PTPN23: variants seen among roughly 807,000 people sequenced by gnomAD.
The protein encoded by PTPN23 is protein tyrosine phosphatase non-receptor type 23.
A neutral mutation model predicts 156.3 loss-of-function variants in PTPN23; 72 were observed. The observed-to-expected ratio is 0.46, with a 90% CI of 0.38 to 0.56. PTPN23 has a LOEUF of 0.56. Among genes scored for constraint, PTPN23 ranks in the 20% least tolerant of loss-of-function variants. The pLI is 0.00. For missense variants in PTPN23, 1,974 were observed against 2,171.5 expected (o/e 0.91, Z 1.81); for synonymous variants, 957 against 899.6 (o/e 1.06, Z -1.14).
chr3:47,413,086 C>T lies in PTPN23; in HGVS notation c.4812C>T (p.Asn1604=), dbSNP rs1705369230. 1 of 1,612,936 alleles carries T rather than the reference C, an allele frequency of 6.2e-7. No individual in the cohort carries two copies. The highest frequency in any genetic ancestry group is 8.5e-7 in the Non-Finnish European group (1 of 1,180,030). The part of the protein sequence containing the change: ...LRGKQRMSKH[N]FLQAHNGQGL... Reference sequence around the variant, plus strand: ...GCAAACAGCGGATGAGCAAGCATAACTTTCTGCAGGCCCATAACGGGCAAG... The same window carrying T: ...GCAAACAGCGGATGAGCAAGCATAATTTTCTGCAGGCCCATAACGGGCAAG... Residue 1604 remains asparagine, a synonymous_variant, in exon 25 of 25, where the codon AAC becomes AAT. Transcript: ENST00000265562.
intron 1 of PTPN23, among the ~76,000 whole-genome samples, chr3:47,392,463 A>G (rs1704795340): frequency 6.6e-6 from 1 of 152,144 alleles, no homozygotes; most frequent in African/African-American, 2.4e-5. Context: ...CTGGGATTAT[A>G]GTCATGAGCC....
chr3:47,389,682 TACAA>T (rs772300994), intron 1 of PTPN23, among the ~76,000 whole-genome samples: 170 of 151,934 alleles, frequency 1.1e-3, no homozygotes, highest in Non-Finnish European at 2.2e-3. Context: ...CCACTAAAAA[TACAA>T]ACAATTAGCC....
chr3:47,406,257 A>C lies in PTPN23; in HGVS notation c.547-68A>C. Reference sequence around the variant, plus strand: ...GGATCCCTCAGTCTGCCCCTGGGGAAGGATAAAGGGAAGGGGAAGCGGGAG... The same window carrying C: ...GGATCCCTCAGTCTGCCCCTGGGGACGGATAAAGGGAAGGGGAAGCGGGAG... On this transcript the variant is annotated intron_variant, in intron 6 of 24. Transcript: ENST00000265562. This position sits in a 1 kb window ranked among gnomAD's most constrained non-coding sequence, Gnocchi z 5.8. 1 of 1,568,516 alleles carries C rather than the reference A, an allele frequency of 6.4e-7. No individual in the cohort carries two copies. The highest frequency in any genetic ancestry group is 8.7e-7 in the Non-Finnish European group (1 of 1,145,534).
At position 47,381,054 on chromosome 3, in the gene PTPN23, G is replaced by T; in HGVS notation, c.-43G>T. On this transcript the variant is annotated 5_prime_UTR_variant, in exon 1 of 25. Transcript: ENST00000265562. ...GCTCGTGGCTGAGCCAGCAGCTGCA[G>T]CAGCTACGGGAGTGGCCGGGTGGCC... 6.4e-7 allele frequency: 1 copy of T among 1,552,054 alleles called. No individual in the cohort carries two copies.
intron 1 of PTPN23, among the ~76,000 whole-genome samples, chr3:47,385,273 C>G (rs1413753825): frequency 1.3e-5 from 2 of 152,186 alleles, no homozygotes; most frequent in Non-Finnish European, 2.9e-5. Flanking sequence ...TACTTGAGCT[C>G]AAGTCCAGCT....
chr3:47,402,373 G>A (rs542447472), intron 2 of PTPN23, among the ~76,000 whole-genome samples: 101 of 151,892 alleles, frequency 6.6e-4, no homozygotes, highest in African/African-American at 2.3e-3. Flanking sequence ...TCTGCTCCCC[G>A]GATTCAAGTG....
chr3:47,397,899 G>T (rs1215269887), intron 2 of PTPN23, among the ~76,000 whole-genome samples: 3 of 152,066 alleles, frequency 2.0e-5, no homozygotes, highest in Non-Finnish European at 2.9e-5. Context: ...TCGACCTCCT[G>T]ACCTCAGGTA....
chr3:47,388,835 T>G (rs1041359439), intron 1 of PTPN23, among the ~76,000 whole-genome samples: 1 of 152,094 alleles, frequency 6.6e-6, no homozygotes, highest in African/African-American at 2.4e-5. Flanking sequence ...CAGCTAATTT[T>G]TGTCTTTTTA....
intron 3 of PTPN23, 31 bp from the exon 4 acceptor site, chr3:47,404,974 C>T: frequency 6.2e-7 from 1 of 1,613,558 alleles, no homozygotes; most frequent in Middle Eastern, 1.7e-4. Context: ...TAGCTCCTGC[C>T]CTCGAGATAA....
In PTPN23 at chr3:47,411,164, C is replaced by T. The variant is rs1188800839; in HGVS notation, c.3366C>T (p.Ser1122=). 8 of 1,602,016 alleles carry T rather than the reference C, an allele frequency of 5.0e-6. No homozygotes were observed. Among genetic ancestry groups the T allele is most frequent in the Non-Finnish European group, 5.1e-6 (6 of 1,176,246 alleles). Reference sequence around the variant, plus strand: ...CCGCAGCTGCAGACCTGCTCTCCTCCAGCCCGGAGAGCCAGCATGGCGGCA... The same window carrying T: ...CCGCAGCTGCAGACCTGCTCTCCTCTAGCCCGGAGAGCCAGCATGGCGGCA... ...RGAAAADLLS[S]SPESQHGGTQ... is the part of the protein sequence containing the mutation. The change falls in exon 20 of 25, where the codon TCC becomes TCT. Residue 1122 remains serine, a synonymous_variant. Coordinates refer to ENST00000265562, the MANE Select transcript of PTPN23 (RefSeq NM_015466.4). The surrounding 1 kb of genome is among the most constrained non-coding windows in gnomAD (Gnocchi z 6.3).
Position 47,412,783 on chromosome 3 carries a change from C to T in PTPN23, c.4509C>T (p.Ala1503=), listed in dbSNP as rs1705353384. 6.2e-7 allele frequency: 1 copy of T among 1,613,120 alleles called. No homozygotes were observed. The highest frequency in any genetic ancestry group is 8.5e-7 in the Non-Finnish European group (1 of 1,179,670). ...TCAGCTCCATCCAGGCCACCATTGC[C>T]AAGCTCAGCATTCGGCCTCCTGGGG... The part of the protein sequence containing the change: ...VPISSIQATI[A]KLSIRPPGGL... Residue 1503 remains alanine, a synonymous_variant, in exon 25 of 25, where the codon GCC becomes GCT. Coordinates refer to ENST00000265562, the MANE Select transcript of PTPN23 (RefSeq NM_015466.4).
Position 47,407,014 on chromosome 3 carries a change from C to T in PTPN23, c.808-116C>T, listed in dbSNP as rs1161150924. On this transcript the variant is annotated intron_variant, in intron 9 of 24. Transcript: ENST00000265562. This position sits in a 1 kb window ranked among gnomAD's most constrained non-coding sequence, Gnocchi z 4.0. ...TGCTGCTGTTGGCTGGGGTGGTGCCCGGCTGCCTCCTGAGCTGCTTGTCAT... is the reference window on the plus strand; with the variant it reads ...TGCTGCTGTTGGCTGGGGTGGTGCCTGGCTGCCTCCTGAGCTGCTTGTCAT... 36 of 1,384,228 alleles carry T rather than the reference C, an allele frequency of 2.6e-5. No individual in the cohort carries two copies. The highest frequency in any genetic ancestry group is 6.3e-5 in the South Asian group (5 of 79,154). 85.7% of individuals were successfully genotyped at this position (1,384,228 alleles called of 1,614,324 possible). A position where few individuals can be genotyped will look rare whatever the true frequency, so the allele number is the denominator to read the frequency against.
rs2107713706 is a variant in PTPN23, at chr3:47,405,247, T to C, written c.364+166T>C. 2 of 669,686 alleles carry C rather than the reference T, an allele frequency of 3.0e-6. No individual in the cohort carries two copies. Among genetic ancestry groups the C allele is most frequent in the Non-Finnish European group, 5.2e-6 (2 of 383,972 alleles). 41.5% of individuals were successfully genotyped at this position (669,686 alleles called of 1,614,324 possible). A position where few individuals can be genotyped will look rare whatever the true frequency, so the allele number is the denominator to read the frequency against. ...CCCTGCCAGCTCCTCCACTGTTTTC[T>C]GGGCTGGGCCCGTGGGGAGCCTCTG... On this transcript the variant is annotated intron_variant, in intron 4 of 24. Coordinates refer to ENST00000265562, the MANE Select transcript of PTPN23 (RefSeq NM_015466.4). The surrounding 1 kb of genome is among the most constrained non-coding windows in gnomAD (Gnocchi z 4.7).
intron 1 of PTPN23, among the ~76,000 whole-genome samples, chr3:47,383,077 A>G (rs1704582453): frequency 6.6e-6 from 1 of 152,012 alleles, no homozygotes; most frequent in African/African-American, 2.4e-5. Flanking sequence ...TTAGTTTTCC[A>G]TTAGAGTTCT....
At position 47,406,249 on chromosome 3, in the gene PTPN23, C is replaced by G; in HGVS notation, c.547-76C>G. ...GTGAAGAGGGATCCCTCAGTCTGCC[C>G]CTGGGGAAGGATAAAGGGAAGGGGA... On this transcript the variant is annotated intron_variant, in intron 6 of 24. Coordinates refer to ENST00000265562, the MANE Select transcript of PTPN23 (RefSeq NM_015466.4). The surrounding 1 kb of genome is among the most constrained non-coding windows in gnomAD (Gnocchi z 5.8). The G allele has an allele frequency of 6.4e-7, 1 of 1,557,346 alleles. No homozygotes were observed.
intron 1 of PTPN23, among the ~76,000 whole-genome samples, chr3:47,392,931 T>C (rs1454099946): frequency 1.3e-5 from 2 of 152,154 alleles, no homozygotes; most frequent in Non-Finnish European, 2.9e-5. Flanking sequence ...ACTGCTAGGC[T>C]CAAGTGATCC....
intron 2 of PTPN23, among the ~76,000 whole-genome samples, chr3:47,396,768 CA>C (rs1002546817): frequency 2.6e-5 from 4 of 151,638 alleles, no homozygotes; most frequent in African/African-American, 7.3e-5. Context: ...CTATAGAAAA[CA>C]AAAAAAATTA....
rs1437344978 is a variant in PTPN23 at position 47,389,799 on chromosome 3, C to T, written c.85-6344C>T. ...GAGCTTGCAGTGAGCTGAGATGGCACCACTGCACTCCAGCCTGGGTAACAG... is the reference window on the plus strand; with the variant it reads ...GAGCTTGCAGTGAGCTGAGATGGCATCACTGCACTCCAGCCTGGGTAACAG... On this transcript the variant is annotated intron_variant, in intron 1 of 24. Coordinates refer to ENST00000265562, the MANE Select transcript of PTPN23 (RefSeq NM_015466.4). Among the ~76,000 whole-genome samples the T allele has an allele frequency of 1.1e-3, 166 of 148,958 alleles. 5 individuals carry two copies. The highest frequency in any genetic ancestry group is 4.4e-5 in the Non-Finnish European group (3 of 67,614).
chr3:47,401,420 T>C (rs1366243698), intron 2 of PTPN23, among the ~76,000 whole-genome samples: 1 of 152,036 alleles, frequency 6.6e-6, no homozygotes, highest in African/African-American at 2.4e-5. Context: ...TTCTTCAGGC[T>C]GGTCTCAAAA....
Sources: gnomAD v4.1 joint callset for allele counts (sites outside exome capture counted in the v4.1 genomes callset) on GRCh38, gnomAD v4.1.1 for gene constraint, Gnocchi (gnomAD v3.1) non-coding constraint, MANE v1.5 for transcripts, NCBI Gene and HGNC (gene_info 2026-07-23, HGNC 2026-07-21) for gene names.